The following LNX1 variants were observed in gnomAD, a reference collection of about 807,000 sequenced individuals.
LNX1 encodes the protein E3 ubiquitin-protein ligase LNX.
A neutral mutation model predicts 68.4 loss-of-function variants in LNX1; 54 were observed. The observed-to-expected ratio is 0.79, with a 90% CI of 0.63 to 0.99. LNX1 has a LOEUF of 0.99. Ranked by LOEUF, LNX1 falls within the 50% of genes least tolerant of loss-of-function variation. The pLI is 0.00. For missense variants in LNX1, 906 were observed against 926.4 expected, an observed-to-expected ratio of 0.98 and a Z score of 0.29; for synonymous variants, 336 against 350.0, an observed-to-expected ratio of 0.96 and a Z score of 0.45.
intron 9 of LNX1, among the ~76,000 whole-genome samples, chr4:53,467,131 C>A (rs1722748576): frequency 1.3e-5 from 2 of 152,128 alleles, no homozygotes; most frequent in Non-Finnish European, 2.9e-5. Flanking sequence ...GCTGGGTACT[C>A]CTCTGAGACA....
At chr4:53,618,774 A>G (rs1263114543), upstream of LNX1, among the ~76,000 whole-genome samples, 1 of 152,224 alleles carries the variant, frequency 6.6e-6, no homozygotes, top group African/African-American at 2.4e-5. Context: ...TATTTTAGCT[A>G]ACTAAATATA....
At chr4:53,619,232 G>T (rs2109857725), upstream of LNX1, among the ~76,000 whole-genome samples, 1 of 152,228 alleles carries the variant, frequency 6.6e-6, no homozygotes, top group South Asian at 2.1e-4. Context: ...GTACACTTTA[G>T]TGGTTTTTAG....
At chr4:53,500,536 T>C (rs1362640056) in intron 4 of LNX1, 2 of 152,182 alleles carry the variant, frequency 1.3e-5, no homozygotes, top group African/African-American at 2.4e-5. Flanking sequence ...CCTTAGTCCA[T>C]TTTCCCTAAT....
At chr4:53,490,398 T>C (rs1031672165) in intron 6 of LNX1, among the ~76,000 whole-genome samples, 3 of 152,174 alleles carry the variant, frequency 2.0e-5, no homozygotes, top group African/African-American at 7.2e-5. Flanking sequence ...ACTTGAGAAA[T>C]TGACAATGGA....
At chr4:53,578,500 G>A (rs142621826) in intron 1 of LNX1, among the ~76,000 whole-genome samples, 2 of 152,328 alleles carry the variant, frequency 1.3e-5, no homozygotes, top group Non-Finnish European at 2.9e-5. Flanking sequence ...AGTAAAAACA[G>A]TATTTTAATC....
chr4:53,636,994 T>A (rs1734504439), intron 1 of LNX1, among the ~76,000 whole-genome samples: 2 of 151,146 alleles, frequency 1.3e-5, no homozygotes, highest in African/African-American at 4.9e-5. Flanking sequence ...ATGATTTGGA[T>A]GACACAGATG....
chr4:53,581,364 T>A (rs1731827187), intron 1 of LNX1, among the ~76,000 whole-genome samples: 1 of 152,208 alleles, frequency 6.6e-6, no homozygotes, highest in Non-Finnish European at 1.5e-5. Flanking sequence ...CCAAACAATT[T>A]TAGAAATAGT....
intron 2 of LNX1, among the ~76,000 whole-genome samples, chr4:53,571,070 G>A (rs1308487116): frequency 2.0e-5 from 3 of 149,076 alleles, no homozygotes; most frequent in Non-Finnish European, 3.0e-5. Context: ...ATGGAGTCTC[G>A]CTCTGTCACC....
chr4:53,582,634 ACACAAGGG>A (rs1239230541), intron 1 of LNX1, among the ~76,000 whole-genome samples: 1 of 152,264 alleles, frequency 6.6e-6, no homozygotes, highest in Non-Finnish European at 1.5e-5. Context: ...TGTTTCAAAC[ACACAAGGG>A]CTAACTCTAT....
Position 53,507,446 on chromosome 4 carries a change from T to C in LNX1, c.646A>G (p.Ile216Val), listed in dbSNP as rs141603317. ...TRARPFERST[I>V]RSRSFKKINR... ...ATTTTTTTAAATGATCTGCTTCTAA[T>C]AGTGGATCTCTCAAAGGGCCGTGCT... is the stretch of plus-strand genomic sequence containing the variant. Residue 216 changes from isoleucine to valine, a missense_variant, in exon 4 of 11, where the codon ATT becomes GTT. Ile to Val is a conservative substitution (Grantham distance 29, BLOSUM62 3). Coordinates refer to ENST00000263925, the MANE Select transcript of LNX1 (RefSeq NM_001126328.3). The C allele has an allele frequency of 7.1e-5, 114 of 1,613,958 alleles. No individual in the cohort carries two copies. The highest frequency in any genetic ancestry group is 9.1e-5 in the Non-Finnish European group (107 of 1,179,962).
At chr4:53,632,291 G>A (rs1470588747) in intron 1 of LNX1, among the ~76,000 whole-genome samples, 1 of 152,158 alleles carries the variant, frequency 6.6e-6, no homozygotes, top group Non-Finnish European at 1.5e-5. Flanking sequence ...TTCTCTCACA[G>A]TGGGAAGCTG....
At chr4:53,492,087 G>A (rs1408859797) in intron 6 of LNX1, among the ~76,000 whole-genome samples, 1 of 152,136 alleles carries the variant, frequency 6.6e-6, no homozygotes, top group African/African-American at 2.4e-5. Context: ...GCGCTTGGCT[G>A]AGGATATAAT....
At chr4:53,537,304 G>T (rs757825002) in intron 2 of LNX1, among the ~76,000 whole-genome samples, 1 of 152,198 alleles carries the variant, frequency 6.6e-6, no homozygotes, top group Admixed American at 6.5e-5. Flanking sequence ...CAACACCCTT[G>T]AAGTCCTATG....
At chr4:53,568,175 C>T (rs1270987332) in intron 2 of LNX1, among the ~76,000 whole-genome samples, 3 of 151,970 alleles carry the variant, frequency 2.0e-5, no homozygotes, top group Non-Finnish European at 2.9e-5. Context: ...ATACCAAAGC[C>T]GGGCAGAGAC....
chr4:53,642,973 A>T (rs1429138109), intron 1 of LNX1, among the ~76,000 whole-genome samples: 1 of 152,126 alleles, frequency 6.6e-6, no homozygotes, highest in African/African-American at 2.4e-5. Context: ...TGCCCTCCAG[A>T]GGCCACTTAA....
intron 1 of LNX1, among the ~76,000 whole-genome samples, chr4:53,582,461 G>C (rs946729676): frequency 6.6e-6 from 1 of 152,210 alleles, no homozygotes; most frequent in African/African-American, 2.4e-5. Flanking sequence ...GCCCAGTCAA[G>C]TAATAAAGAG....
chr4:53,463,098 T>C (rs1722307940), intron 9 of LNX1, among the ~76,000 whole-genome samples: 1 of 152,158 alleles, frequency 6.6e-6, no homozygotes, highest in South Asian at 2.1e-4. Context: ...TTTGATTCTT[T>C]AAAATAGATA....
intron 2 of LNX1, among the ~76,000 whole-genome samples, chr4:53,608,261 A>G (rs891303954): frequency 4.6e-5 from 7 of 152,208 alleles, no homozygotes; most frequent in African/African-American, 1.7e-4. Context: ...GAACTTTGAC[A>G]AAACAACAAG....
chr4:53,528,132 G>A (rs375851345), intron 2 of LNX1, among the ~76,000 whole-genome samples: 2 of 152,300 alleles, frequency 1.3e-5, no homozygotes, highest in Admixed American at 6.5e-5. Flanking sequence ...TGTCCGCTCA[G>A]CGTATTTTCC....
Sources: gnomAD v4.1 joint callset for allele counts (sites outside exome capture counted in the v4.1 genomes callset) on GRCh38, gnomAD v4.1.1 for gene constraint, MANE v1.5 for transcripts, NCBI Gene and HGNC (gene_info 2026-07-23, HGNC 2026-07-21) for gene names.